TAMM41: variants seen among roughly 807,000 people sequenced by gnomAD.
TAMM41 encodes the protein phosphatidate cytidylyltransferase, mitochondrial.
TAMM41 carries 36 observed loss-of-function variants against 44.1 expected under a neutral mutation model. That is an observed-to-expected ratio of 0.82 (90% CI 0.63 to 1.08). The LOEUF (loss-of-function observed/expected upper bound fraction) is 1.08, where lower values mean the gene tolerates loss of function less well. Ranked by LOEUF, TAMM41 falls within the 50% of genes least tolerant of loss-of-function variation. The pLI is 0.00. For missense variants in TAMM41, 417 were observed against 404.3 expected, an observed-to-expected ratio of 1.03 and a Z score of -0.27; for synonymous variants, 164 against 153.1, an observed-to-expected ratio of 1.07 and a Z score of -0.53.
the TAMM41 span, among the ~76,000 whole-genome samples, chr3:11,732,369 A>G: frequency 1.3e-5 from 2 of 149,436 alleles, no homozygotes; most frequent in African/African-American, 5.0e-5. Context: ...CTAGAGCACC[A>G]TCTGTTTGCC....
At chr3:11,833,018 C>G (rs567995002) in intron 3 of TAMM41, 2 of 1,062,340 alleles carry the variant, frequency 1.9e-6, no homozygotes, top group East Asian at 1.8e-4. Flanking sequence ...GGAAAAATGT[C>G]AGTTCGGAAG....
chr3:11,774,745 A>G, the TAMM41 span, among the ~76,000 whole-genome samples: 1 of 152,148 alleles, frequency 6.6e-6, no homozygotes, highest in African/African-American at 2.4e-5. Flanking sequence ...GCCACTTCTC[A>G]TTGCAACTTC....
At chr3:11,808,141 C>A in intron 6 of TAMM41, 1 of 962,892 alleles carries the variant, frequency 1.0e-6, no homozygotes, top group South Asian at 2.9e-5. Context: ...CAGCTCTGTG[C>A]CTCTTCCCCT....
the TAMM41 span, among the ~76,000 whole-genome samples, chr3:11,762,674 CCTAT>C: frequency 3.9e-5 from 6 of 152,206 alleles, no homozygotes; most frequent in Admixed American, 1.3e-4. Flanking sequence ...TGACTCTCTC[CCTAT>C]CCTGGCCTTC....
At chr3:11,771,763 A>C in the TAMM41 span, among the ~76,000 whole-genome samples, 36 of 151,274 alleles carry the variant, frequency 2.4e-4, no homozygotes, top group Admixed American at 1.3e-4. Context: ...TTGTATTTTT[A>C]GTAGAGATGG....
At chr3:11,747,671 T>C in the TAMM41 span, among the ~76,000 whole-genome samples, 1 of 151,456 alleles carries the variant, frequency 6.6e-6, no homozygotes, top group Non-Finnish European at 1.5e-5. Context: ...CAGGAGGCTG[T>C]GGGAGGACTG....
the TAMM41 span, among the ~76,000 whole-genome samples, chr3:11,734,900 T>C: frequency 9.6e-3 from 1,045 of 108,610 alleles, 22 homozygotes; most frequent in African/African-American, 0.053. Context: ...AAAAAAAAAA[T>C]TAGCCAGGTG....
downstream of TAMM41, among the ~76,000 whole-genome samples, chr3:11,788,964 A>AAAAG (rs574618012): frequency 6.6e-6 from 1 of 152,220 alleles, no homozygotes; most frequent in East Asian, 1.9e-4. Context: ...AAAAAGAAAA[A>AAAAG]AAAGAAAGAA....
chr3:11,809,450 C>G (rs1245373558), intron 6 of TAMM41, 67 bp downstream of exon 6: 1 of 1,564,802 alleles, frequency 6.4e-7, no homozygotes, highest in Non-Finnish European at 8.7e-7. Flanking sequence ...TAATACATTC[C>G]AATCACAAAC....
the TAMM41 span, among the ~76,000 whole-genome samples, chr3:11,729,534 CTTTCATTTTTTTT>C: frequency 4.6e-5 from 2 of 43,046 alleles, no homozygotes; most frequent in African/African-American, 1.8e-4. Context: ...TCTTTTCTTT[CTTTCATTTTTTTT>C]TTTTTTTTTT....
At chr3:11,779,521 C>T in the TAMM41 span, among the ~76,000 whole-genome samples, 6 of 152,246 alleles carry the variant, frequency 3.9e-5, no homozygotes, top group Non-Finnish European at 7.4e-5. Flanking sequence ...GACAAATGTC[C>T]GAACTATACA....
At chr3:11,725,627 A>T in the TAMM41 span, among the ~76,000 whole-genome samples, 1 of 151,940 alleles carries the variant, frequency 6.6e-6, no homozygotes, top group Non-Finnish European at 1.5e-5. Flanking sequence ...TTTAGTAGCG[A>T]TGGGGTTTCA....
chr3:11,751,089 CTTT>C, the TAMM41 span, among the ~76,000 whole-genome samples: 124 of 130,240 alleles, frequency 9.5e-4, no homozygotes, highest in African/African-American at 1.3e-3. Flanking sequence ...ACAGATGATA[CTTT>C]TTTTTTTTTT....
At chr3:11,779,372 G>A in the TAMM41 span, among the ~76,000 whole-genome samples, 1 of 152,280 alleles carries the variant, frequency 6.6e-6, no homozygotes, top group Non-Finnish European at 1.5e-5. Context: ...GGTCGTGCAG[G>A]AACTATGAGT....
At chr3:11,751,089 CTT>C in the TAMM41 span, among the ~76,000 whole-genome samples, 32,572 of 129,918 alleles carry the variant, frequency 0.25, 3,752 homozygotes, top group Non-Finnish European at 0.27. Flanking sequence ...ACAGATGATA[CTT>C]TTTTTTTTTT....
the TAMM41 span, among the ~76,000 whole-genome samples, chr3:11,732,987 G>C: frequency 1.9e-3 from 239 of 127,574 alleles, no homozygotes; most frequent in African/African-American, 6.6e-3. Flanking sequence ...AATATGATTT[G>C]AGTTTTTTTT....
At chr3:11,825,139 C>A (rs2078692281) in intron 4 of TAMM41, among the ~76,000 whole-genome samples, 1 of 152,156 alleles carries the variant, frequency 6.6e-6, no homozygotes, top group African/African-American at 2.4e-5. Flanking sequence ...CATTTACAAG[C>A]TATGTGACCC....
At chr3:11,815,675 C>T (rs1388706159) in intron 5 of TAMM41, among the ~76,000 whole-genome samples, 1 of 151,860 alleles carries the variant, frequency 6.6e-6, no homozygotes. Context: ...GTGCTAAGTG[C>T]ATGTGTGTGA....
chr3:11,807,669 T>C (rs1265097806), intron 7 of TAMM41, 164 bp downstream of exon 7: 1 of 1,536,350 alleles, frequency 6.5e-7, no homozygotes, highest in Admixed American at 2.0e-5. Flanking sequence ...CAGGTTCTGC[T>C]GCTGTTATGC....
Sources: gnomAD v4.1 joint callset for allele counts (sites outside exome capture counted in the v4.1 genomes callset) on GRCh38, gnomAD v4.1.1 for gene constraint, MANE v1.5 for transcripts, NCBI Gene and HGNC (gene_info 2026-07-23, HGNC 2026-07-21) for gene names.